SELENOS: variants seen among roughly 807,000 people sequenced by gnomAD.
SELENOS encodes selenoprotein S.
Under a neutral mutation model 30.2 loss-of-function variants are expected in SELENOS, and 37 were observed. The observed-to-expected ratio is 1.23, with a 90% CI of 0.94 to 1.61. The LOEUF is 1.61. SELENOS is among the 40% of genes most tolerant of loss of function. The pLI is 0.00. For missense variants in SELENOS, 289 were observed against 231.8 expected (o/e 1.25, Z -1.60); for synonymous variants, 119 against 91.6 (o/e 1.30, Z -1.71).
chr15:101,276,488 A>T (rs1316880503), intron 2 of SELENOS, 53 bp downstream of exon 2: 2 of 1,526,632 alleles, frequency 1.3e-6, no homozygotes, highest in African/African-American at 2.8e-5. Flanking sequence ...ACTAACTCTT[A>T]ATATAAAGGA....
In SELENOS at chr15:101,274,978, T is replaced by C. The variant is rs897091078; in HGVS notation, c.318+277A>G. On this transcript the variant is annotated intron_variant, in intron 3 of 5. Transcript: ENST00000526049. ...TGGTAATGGGGAAGACACAGGCACA[T>C]GCACACACACACTCACATGCTCCCT... The C allele has an allele frequency of 6.6e-5, 38 of 572,428 alleles. No individual in the cohort carries two copies. The South Asian group carries it at 8.3e-4, about 13-fold the overall frequency. 35.5% of individuals were successfully genotyped at this position (572,428 alleles called of 1,614,324 possible).
At position 101,277,435 on chromosome 15, in the gene SELENOS, C is replaced by T; in HGVS notation, c.-18G>A. ...CGTTCCATGACCGCCGCCGCCGCCG[C>T]CGCCCAGCCCTGCCGCCGCGCCTCC... On this transcript the variant is annotated 5_prime_UTR_variant, in exon 1 of 6. Coordinates refer to ENST00000526049, the MANE Select transcript of SELENOS (RefSeq NM_018445.6). 2 of 1,447,902 alleles carry T rather than the reference C, an allele frequency of 1.4e-6. No individual in the cohort carries two copies. The highest frequency in any genetic ancestry group is 1.8e-6 in the Non-Finnish European group (2 of 1,108,374). The allele number at this position is 1,447,902 out of a possible 1,614,324, so 89.7% of individuals were successfully genotyped here.
chr15:101,275,504 C>G (rs985964884), intron 2 of SELENOS, 143 bp from the exon 3 acceptor site: 1 of 687,682 alleles, frequency 1.5e-6, no homozygotes, highest in Non-Finnish European at 2.2e-6. Context: ...ACTCCTAACC[C>G]CTCTGCATAC....
rs1555440204 is a variant in SELENOS at position 101,277,422 on chromosome 15, G to GCCGCCA, written c.-6_-5insTGGCGG. 7 of 1,422,314 alleles carry GCCGCCA rather than the reference G, an allele frequency of 4.9e-6. No homozygotes were observed. The African/African-American group carries it at 7.6e-5, about 15-fold the overall frequency. The allele number at this position is 1,422,314 out of a possible 1,614,324, so 88.1% of individuals were successfully genotyped here. A position where few individuals can be genotyped will look rare whatever the true frequency, so the allele number is the denominator to read the frequency against. ...AGACTCCTCTTGGCGTTCCATGACC[G>GCCGCCA]CCGCCGCCGCCGCCGCCCAGCCCTG... On this transcript the variant is annotated 5_prime_UTR_variant, in exon 1 of 6. Transcript: ENST00000526049.
Position 101,275,298 on chromosome 15 carries a change from T to C in SELENOS, c.275A>G (p.Glu92Gly), listed in dbSNP as rs1425920681. The C allele has an allele frequency of 7.6e-6, 12 of 1,580,346 alleles. No homozygotes were observed. Among genetic ancestry groups the C allele is most frequent in the Non-Finnish European group, 1.0e-5 (12 of 1,162,362 alleles). The part of the protein sequence containing the change: ...LAAARLKMQE[E>G]LNAQVEKHKE... The stretch of plus-strand genomic sequence containing the variant: ...ATGCTTTTCAACTTGCGCATTTAGT[T>C]CTTCTTGCATTTTCAGTCGAGCAGC... The change falls in exon 3 of 6, where the codon GAA (glutamate) becomes GGA (glycine). Residue 92 changes from glutamate (E) to glycine (G), a missense_variant. Coordinates refer to ENST00000526049, the MANE Select transcript of SELENOS (RefSeq NM_018445.6).
intron 1 of SELENOS, chr15:101,277,104 G>A: frequency 1.3e-6 from 1 of 759,050 alleles, no homozygotes; most frequent in South Asian, 1.5e-5. Context: ...GAAGGGCTTG[G>A]TTCGCAAAAA....
rs947192844 is a variant in SELENOS at position 101,277,418 on chromosome 15, G to T, written c.-1C>A. On this transcript the variant is annotated 5_prime_UTR_variant, in exon 1 of 6. Coordinates refer to ENST00000526049, the MANE Select transcript of SELENOS (RefSeq NM_018445.6). ...ACAGAGACTCCTCTTGGCGTTCCAT[G>T]ACCGCCGCCGCCGCCGCCGCCCAGC... The T allele has an allele frequency of 2.0e-6, 3 of 1,473,236 alleles. No homozygotes were observed. The highest frequency in any genetic ancestry group is 2.7e-6 in the Non-Finnish European group (3 of 1,120,164). The allele number at this position is 1,473,236 out of a possible 1,614,324, so 91.3% of individuals were successfully genotyped here.
In SELENOS at chr15:101,276,606, T is replaced by C. The variant is rs759259587; in HGVS notation, c.146A>G (p.Gln49Arg). Residue 49 changes from glutamine to arginine, a missense_variant, in exon 2 of 6, where the codon CAG (glutamine) becomes CGG (arginine). By Grantham distance (43) the Gln-to-Arg change is conservative. Coordinates refer to ENST00000526049, the MANE Select transcript of SELENOS (RefSeq NM_018445.6). ...GGCTCTTAGCCGGGCGGAAAGCTTC[T>C]GAAAGACCACGTAGAGAAGGATGCA... Reference protein sequence around the residue: ...FSCILLYVVFQKLSARLRALR... With the variant: ...FSCILLYVVFRKLSARLRALR... The C allele has an allele frequency of 5.6e-6, 9 of 1,613,820 alleles. No homozygotes were observed. Among genetic ancestry groups the C allele is most frequent in the Admixed American group, 3.3e-5 (2 of 60,018 alleles).
chr15:101,273,006 G>T, intron 5 of SELENOS, 150 bp from the exon 6 acceptor site: 2 of 569,186 alleles, frequency 3.5e-6, no homozygotes, highest in Non-Finnish European at 2.9e-6. Flanking sequence ...TTTTAGCTAT[G>T]TGAAAAAAAA....
intron 1 of SELENOS, 128 bp from the exon 2 acceptor site, chr15:101,276,803 CT>C: frequency 8.8e-7 from 1 of 1,132,422 alleles, no homozygotes; most frequent in Non-Finnish European, 1.2e-6. Flanking sequence ...AGGAAAAAGC[CT>C]CCTAAGTAGA....
intron 2 of SELENOS, 66 bp downstream of exon 2, chr15:101,276,475 G>A: frequency 6.9e-7 from 1 of 1,455,810 alleles, no homozygotes; most frequent in Non-Finnish European, 9.1e-7. Context: ...CTTTTACTAA[G>A]AGACTAACTC....
chr15:101,276,308 G>C, intron 2 of SELENOS: 1 of 354,286 alleles, frequency 2.8e-6, no homozygotes, highest in Non-Finnish European at 5.0e-6. Flanking sequence ...GTGTAGTGTG[G>C]CCCGAGCATA....
At chr15:101,276,784 T>C (rs2039333106) in intron 1 of SELENOS, 109 bp from the exon 2 acceptor site, 18 of 1,375,494 alleles carry the variant, frequency 1.3e-5, no homozygotes, top group Non-Finnish European at 1.8e-5. Flanking sequence ...GCCTTCATGG[T>C]CTAGGCTGAG....
chr15:101,276,072 G>A (rs1287919747), intron 2 of SELENOS, among the ~76,000 whole-genome samples: 7 of 151,162 alleles, frequency 4.6e-5, no homozygotes, highest in Non-Finnish European at 7.4e-5. Flanking sequence ...ACAGGTGCCC[G>A]TCACCACGCC....
In SELENOS at chr15:101,276,220, A is replaced by G. The variant is rs371297713; in HGVS notation, c.211+321T>C. Among the ~76,000 whole-genome samples, 543 of 143,778 alleles carry G rather than the reference A, an allele frequency of 3.8e-3. 1 individual carries two copies. Among genetic ancestry groups the G allele is most frequent in the African/African-American group, 0.014 (526 of 38,918 alleles). 94.3% of individuals were successfully genotyped at this position (143,778 alleles called of 152,430 possible). ...TTACAGGTGTGAGCCACCGCGCCCC[A>G]CCGAGAACCATATACTTCCTACTTT... On this transcript the variant is annotated intron_variant, in intron 2 of 5. Transcript: ENST00000526049.
chr15:101,276,770 C>T, intron 1 of SELENOS, 95 bp from the exon 2 acceptor site: 17 of 1,456,026 alleles, frequency 1.2e-5, no homozygotes, highest in Non-Finnish European at 1.6e-5. Context: ...CTCCTGCCCT[C>T]AAAGCCTTCA....
chr15:101,272,943 T>C, intron 5 of SELENOS, 87 bp from the exon 6 acceptor site: 2 of 1,236,014 alleles, frequency 1.6e-6, no homozygotes, highest in Non-Finnish European at 2.3e-6. Context: ...ATTATGAGAG[T>C]GACACGCAAA....
Position 101,277,372 on chromosome 15 carries a change from T to C in SELENOS, c.46A>G (p.Thr16Ala). 1 of 1,508,080 alleles carries C rather than the reference T, an allele frequency of 6.6e-7. No homozygotes were observed. The highest frequency in any genetic ancestry group is 8.8e-7 in the Non-Finnish European group (1 of 1,136,034). 93.4% of individuals were successfully genotyped at this position (1,508,080 alleles called of 1,614,324 possible). The change falls in exon 1 of 6, where the codon ACC (threonine) becomes GCC (alanine). Residue 16 changes from threonine to alanine, a missense_variant. By Grantham distance (58) the Thr-to-Ala change is moderately conservative (BLOSUM62 0). Transcript: ENST00000526049. ...ESLSARPALE[T>A]EGLRFLHTTV... ...GTGTGCAGGAAGCGCAGCCCCTCGG[T>C]CTCCAGGGCCGGCCGCGCGGACAGA...
rs770574276 is a variant in SELENOS, at chr15:101,276,653, A to T, written c.99T>A (p.Tyr33Ter). 2 of 1,610,428 alleles carry T rather than the reference A, an allele frequency of 1.2e-6. No homozygotes were observed. The change falls in exon 2 of 6, where the codon TAT becomes TAA. Residue 33 changes from tyrosine to a stop codon, truncating the protein, a stop_gained. Transcript: ENST00000526049. LOFTEE classifies it high-confidence loss of function. ...HTTVGSLLAT[Y>*]GWYIVFSCIL... Reference sequence around the variant, plus strand: ...TGCAGCTGAAGACGATGTACCAGCCATAGGTGGCCAGCAGGGAGCCCACTG... The same window carrying T: ...TGCAGCTGAAGACGATGTACCAGCCTTAGGTGGCCAGCAGGGAGCCCACTG...
Sources: allele counts gnomAD v4.1 joint callset (sites outside exome capture counted in the v4.1 genomes callset), GRCh38; gene constraint gnomAD v4.1.1; transcripts MANE v1.5; gene names NCBI Gene and HGNC (gene_info 2026-07-23, HGNC 2026-07-21).